RTN4: variants seen among roughly 807,000 people sequenced by gnomAD.
RTN4 encodes reticulon-4.
RTN4 carries 32 observed loss-of-function variants against 90.4 expected under a neutral mutation model. That is an observed-to-expected ratio of 0.35 (90% CI 0.27 to 0.48). RTN4 has a LOEUF of 0.48. Ranked by LOEUF, RTN4 falls within the 20% of genes least tolerant of loss-of-function variation. The pLI is 0.99. For synonymous variants in RTN4, 629 were observed against 552.5 expected (o/e 1.14, Z -1.94); for missense variants, 1,706 against 1,430.2 (o/e 1.19, Z -3.11).
the RTN4 span, among the ~76,000 whole-genome samples, chr2:55,134,638 G>C: frequency 6.6e-6 from 1 of 152,162 alleles, no homozygotes; most frequent in Admixed American, 6.6e-5. Context: ...TTTAAATGAG[G>C]AAGAAGAAAG....
the RTN4 span, among the ~76,000 whole-genome samples, chr2:55,120,029 AC>A: frequency 1.3e-5 from 2 of 152,148 alleles, no homozygotes; most frequent in Non-Finnish European, 2.9e-5. Flanking sequence ...TAAAATGCAA[AC>A]CCATGCCTCG....
the RTN4 span, among the ~76,000 whole-genome samples, chr2:55,122,742 A>C: frequency 6.6e-6 from 1 of 152,212 alleles, no homozygotes; most frequent in Non-Finnish European, 1.5e-5. Flanking sequence ...CCACAGCCCC[A>C]GAAGAGGTAG....
chr2:55,084,891 C>A (rs754318907), intron 1 of RTN4, among the ~76,000 whole-genome samples: 87 of 152,220 alleles, frequency 5.7e-4, no homozygotes, highest in Non-Finnish European at 9.3e-4. Flanking sequence ...CTCAAGTGAT[C>A]CCCCCTGACA....
intron 4 of RTN4, among the ~76,000 whole-genome samples, chr2:54,983,654 T>C (rs1272700147): frequency 3.9e-5 from 6 of 152,184 alleles, no homozygotes; most frequent in Non-Finnish European, 7.3e-5. Flanking sequence ...CACTTACTAT[T>C]TACGAGCTGG....
At chr2:54,994,970 C>T (rs10170340) in intron 3 of RTN4, among the ~76,000 whole-genome samples, 78,178 of 152,086 alleles carry the variant, frequency 0.51, 22,522 homozygotes, top group African/African-American at 0.79. Context: ...AAAGGTCGGG[C>T]GCAGTGGCTC....
At chr2:55,122,074 T>C in the RTN4 span, among the ~76,000 whole-genome samples, 1 of 152,016 alleles carries the variant, frequency 6.6e-6, no homozygotes, top group Non-Finnish European at 1.5e-5. Flanking sequence ...CTTGGCTCAC[T>C]GCAGCCTCAA....
At chr2:54,985,347 T>C (rs1417669563) in intron 4 of RTN4, among the ~76,000 whole-genome samples, 1 of 151,786 alleles carries the variant, frequency 6.6e-6, no homozygotes, top group Non-Finnish European at 1.5e-5. Context: ...TTTGTAGAGA[T>C]GGGAGTCTCA....
In RTN4 at chr2:55,025,524, A is replaced by G. The variant is rs759552712; in HGVS notation, c.2575T>C (p.Phe859Leu). Residue 859 changes from phenylalanine to leucine, a missense_variant, in exon 3 of 9, where the codon TTT becomes CTT. Phe to Leu is a conservative substitution (Grantham distance 22). Coordinates refer to ENST00000337526, the MANE Select transcript of RTN4 (RefSeq NM_020532.5). The stretch of plus-strand genomic sequence containing the variant: ...ATTTCAATTGGAGATGAATCTGAAA[A>G]CGTTTCAGTTTCTCTTATCTGTGCT... ...KEAQIRETETFSDSSPIEIID... is the reference protein window; with the variant it reads ...KEAQIRETETLSDSSPIEIID... The G allele has an allele frequency of 6.2e-7, 1 of 1,613,578 alleles. No individual in the cohort carries two copies.
At chr2:55,013,559 C>G (rs1038423640) in intron 3 of RTN4, among the ~76,000 whole-genome samples, 1 of 123,164 alleles carries the variant, frequency 8.1e-6, no homozygotes, top group Non-Finnish European at 1.5e-5. Flanking sequence ...ACAAGAAACT[C>G]TTTTATGACC....
intron 4 of RTN4, among the ~76,000 whole-genome samples, chr2:54,985,043 G>T (rs6545464): frequency 0.85 from 130,040 of 152,158 alleles, 55,997 homozygotes; most frequent in African/African-American, 0.97. Flanking sequence ...AAATTGGAAC[G>T]GTAGAAAATT....
intron 1 of RTN4, among the ~76,000 whole-genome samples, chr2:55,044,785 TA>T (rs10639848): frequency 0.085 from 5,523 of 65,282 alleles, 124 homozygotes; most frequent in African/African-American, 0.22. Context: ...TGCAAATCAC[TA>T]AAAAAAAAAA....
intron 2 of RTN4, chr2:55,056,547 G>A (rs1002056820): frequency 2.6e-5 from 4 of 151,724 alleles, no homozygotes; most frequent in African/African-American, 4.8e-5. Context: ...GCAACATGGC[G>A]AACCTGATTT....
rs758331458 is a variant in RTN4, at chr2:55,027,261, C to T, written c.838G>A (p.Ala280Thr). ...SEASKEVSEKAKTLLIDRDLT... is the reference protein window; with the variant it reads ...SEASKEVSEKTKTLLIDRDLT... ...TCTCTATCTATGAGTAGAGTTTTTG[C>T]CTTCTCTGAGACCTCTTTAGAAGCT... Residue 280 changes from alanine to threonine, a missense_variant, in exon 3 of 9, where the codon GCA becomes ACA. Coordinates refer to ENST00000337526, the MANE Select transcript of RTN4 (RefSeq NM_020532.5). The T allele has an allele frequency of 6.2e-7, 1 of 1,613,658 alleles. No homozygotes were observed. Among genetic ancestry groups the T allele is most frequent in the East Asian group, 2.2e-5 (1 of 44,870 alleles).
chr2:55,048,866 C>T lies in RTN4; in HGVS notation c.556+879G>A, dbSNP rs1667928381. On this transcript the variant is annotated intron_variant, in intron 1 of 8. Coordinates refer to ENST00000337526, the MANE Select transcript of RTN4 (RefSeq NM_020532.5). ...TCTTTAGGAATGTCAACCATTTTGC[C>T]TTTTATTTTTTTCTGTAAGATTCAA... Among the ~76,000 whole-genome samples the T allele has an allele frequency of 2.6e-5, 4 of 152,204 alleles. No homozygotes were observed. In the South Asian group the frequency reaches 8.3e-4, roughly 32 times the overall value.
intron 5 of RTN4, among the ~76,000 whole-genome samples, chr2:54,978,050 G>T (rs540710063): frequency 6.6e-6 from 1 of 152,262 alleles, no homozygotes; most frequent in African/African-American, 2.4e-5. Context: ...CCGCCAAAAG[G>T]CAATAAGCAA....
intron 1 of RTN4, among the ~76,000 whole-genome samples, chr2:55,088,659 A>G (rs1668884641): frequency 6.6e-6 from 1 of 152,256 alleles, no homozygotes; most frequent in South Asian, 2.1e-4. Flanking sequence ...GCTTTCCTCC[A>G]AAGGGTCTAG....
intron 3 of RTN4, among the ~76,000 whole-genome samples, chr2:55,003,834 C>T (rs1165074688): frequency 6.6e-6 from 1 of 152,008 alleles, no homozygotes; most frequent in African/African-American, 2.4e-5. Flanking sequence ...ACAAGATGTG[C>T]GTAGGTTTTA....
intron 1 of RTN4, among the ~76,000 whole-genome samples, chr2:55,047,316 G>A (rs1243906709): frequency 1.4e-5 from 2 of 146,962 alleles, no homozygotes; most frequent in East Asian, 1.9e-4. Context: ...GTGACAAGGG[G>A]GAGACTATCT....
At chr2:54,996,495 A>G (rs2104722636) in intron 3 of RTN4, among the ~76,000 whole-genome samples, 1 of 152,366 alleles carries the variant, frequency 6.6e-6, no homozygotes, top group East Asian at 1.9e-4. Flanking sequence ...AAACAGGTAG[A>G]TTAGTGGAAT....
Sources: gnomAD v4.1 joint callset for allele counts (sites outside exome capture counted in the v4.1 genomes callset) on GRCh38, gnomAD v4.1.1 for gene constraint, MANE v1.5 for transcripts, NCBI Gene and HGNC (gene_info 2026-07-23, HGNC 2026-07-21) for gene names.